UBE3D: variants seen among roughly 807,000 people sequenced by gnomAD.
UBE3D encodes ubiquitin protein ligase E3D.
In UBE3D, 48 loss-of-function variants were observed where a neutral mutation model predicts 49.6. That is an observed-to-expected ratio of 0.97 (90% CI 0.77 to 1.23). The LOEUF is 1.23. Ranked by LOEUF, UBE3D falls within the 50% of genes most tolerant of loss-of-function variation. The probability of loss-of-function intolerance (pLI) is 0.00; values close to 1 mark genes in which losing one functional copy is unlikely to be tolerated. For synonymous variants in UBE3D, 189 were observed against 174.2 expected, an observed-to-expected ratio of 1.08 and a Z score of -0.67; for missense variants, 452 against 468.4, an observed-to-expected ratio of 0.96 and a Z score of 0.32.
At chr6:82,884,483 T>C in the UBE3D span, among the ~76,000 whole-genome samples, 2 of 152,164 alleles carry the variant, frequency 1.3e-5, no homozygotes, top group Non-Finnish European at 2.9e-5. Flanking sequence ...GGACTTTCAA[T>C]AGTAAGTGAG....
chr6:83,006,000 G>A (rs1345935389), intron 8 of UBE3D, among the ~76,000 whole-genome samples: 1 of 152,120 alleles, frequency 6.6e-6, no homozygotes, highest in Non-Finnish European at 1.5e-5. Context: ...TGAGATGGGT[G>A]TATCACTTGA....
chr6:82,987,629 T>C (rs1778612637), intron 8 of UBE3D, among the ~76,000 whole-genome samples: 1 of 152,168 alleles, frequency 6.6e-6, no homozygotes, highest in Admixed American at 6.5e-5. Flanking sequence ...GATGCTAGTG[T>C]GGGTGTAAAT....
intron 8 of UBE3D, among the ~76,000 whole-genome samples, chr6:83,012,230 G>A (rs750217229): frequency 7.2e-5 from 11 of 152,176 alleles, no homozygotes; most frequent in Non-Finnish European, 1.2e-4. Flanking sequence ...TGTAGGATAG[G>A]CAAATCCATA....
intron 9 of UBE3D, among the ~76,000 whole-genome samples, chr6:82,937,414 C>T (rs1774662286): frequency 6.6e-6 from 1 of 152,148 alleles, no homozygotes; most frequent in Non-Finnish European, 1.5e-5. Flanking sequence ...GAAGCAAGCT[C>T]AGTTATTTCA....
chr6:82,944,170 C>T (rs1019048177), intron 9 of UBE3D, among the ~76,000 whole-genome samples: 79 of 152,322 alleles, frequency 5.2e-4, no homozygotes, highest in Middle Eastern at 3.4e-3. Flanking sequence ...CCTCCCCCAA[C>T]TCTAGGCAAC....
intron 8 of UBE3D, among the ~76,000 whole-genome samples, chr6:82,968,162 T>A (rs1347048396): frequency 6.6e-6 from 1 of 152,216 alleles, no homozygotes; most frequent in African/African-American, 2.4e-5. Context: ...GGTCATATGA[T>A]AAGCACATGC....
At chr6:82,905,608 A>C (rs912192505) in intron 9 of UBE3D, among the ~76,000 whole-genome samples, 5 of 152,130 alleles carry the variant, frequency 3.3e-5, no homozygotes, top group Non-Finnish European at 5.9e-5. Flanking sequence ...CACATTTTTC[A>C]CTTAAATCAA....
chr6:83,058,787 T>C (rs1030302884), intron 1 of UBE3D, among the ~76,000 whole-genome samples: 3 of 149,452 alleles, frequency 2.0e-5, no homozygotes, highest in African/African-American at 7.4e-5. Context: ...GAAATCTGCC[T>C]TAGAAAATCT....
Position 83,030,210 on chromosome 6 carries a change from A to T in UBE3D, c.668-6172T>A, listed in dbSNP as rs572565448. Among the ~76,000 whole-genome samples the T allele has an allele frequency of 1.6e-3, 241 of 148,742 alleles. 2 individuals are homozygous for T. Among genetic ancestry groups the T allele is most frequent in the African/African-American group, 5.3e-3 (216 of 40,432 alleles). On this transcript the variant is annotated intron_variant, in intron 5 of 9. Transcript: ENST00000369747. ...TACCTGAGGCTGAGTAATTAAAATTAAAAAAAAAAGACGTTTCTGATATGG... is the reference window on the plus strand; with the variant it reads ...TACCTGAGGCTGAGTAATTAAAATTTAAAAAAAAAGACGTTTCTGATATGG...
intron 9 of UBE3D, among the ~76,000 whole-genome samples, chr6:82,935,476 G>A (rs1774498664): frequency 6.6e-6 from 1 of 152,146 alleles, no homozygotes; most frequent in Non-Finnish European, 1.5e-5. Flanking sequence ...AGGTCGGAAT[G>A]AGGAAATGGG....
At chr6:82,911,567 T>C (rs1193015638) in intron 9 of UBE3D, among the ~76,000 whole-genome samples, 1 of 152,208 alleles carries the variant, frequency 6.6e-6, no homozygotes, top group African/African-American at 2.4e-5. Flanking sequence ...AAGTTTCCCA[T>C]AGCAACCTTT....
rs142132835 is a variant in UBE3D, at chr6:83,037,558, A to G, written c.667+858T>C. ...TTTTCCTTTCTGGCTCACTGTGAAC[A>G]AGTAACTTCTTACAAGATTTTGACG... On this transcript the variant is annotated intron_variant, in intron 5 of 9. Transcript: ENST00000369747. 5.9e-5 allele frequency: 9 copies of G among 152,324 alleles called. No individual in the cohort carries two copies. In the East Asian group the frequency reaches 1.7e-3, roughly 29 times the overall value. 9.4% of individuals were successfully genotyped at this position (152,324 alleles called of 1,614,324 possible). A position where few individuals can be genotyped will look rare whatever the true frequency, so the allele number is the denominator to read the frequency against.
intron 8 of UBE3D, among the ~76,000 whole-genome samples, chr6:82,999,190 T>C (rs1473724400): frequency 6.6e-6 from 1 of 152,142 alleles, no homozygotes; most frequent in African/African-American, 2.4e-5. Flanking sequence ...AAAACCTATA[T>C]GCAAATCTTT....
intron 5 of UBE3D, among the ~76,000 whole-genome samples, chr6:83,033,897 C>T (rs988897626): frequency 6.6e-6 from 1 of 152,174 alleles, no homozygotes; most frequent in African/African-American, 2.4e-5. Context: ...CATGTATAGA[C>T]AGTAAAGCTG....
chr6:82,946,501 A>T (rs1043613245), intron 9 of UBE3D, among the ~76,000 whole-genome samples: 1 of 152,184 alleles, frequency 6.6e-6, no homozygotes, highest in East Asian at 1.9e-4. Context: ...CCTTGAAGAA[A>T]TGCTAAAGAG....
At chr6:82,991,033 G>C (rs2127731868) in intron 8 of UBE3D, among the ~76,000 whole-genome samples, 1 of 152,274 alleles carries the variant, frequency 6.6e-6, no homozygotes, top group Non-Finnish European at 1.5e-5. Context: ...CTTCCAAGAT[G>C]GTACCTTCAC....
intron 8 of UBE3D, among the ~76,000 whole-genome samples, chr6:82,982,127 T>C (rs1778155854): frequency 6.6e-6 from 1 of 152,192 alleles, no homozygotes; most frequent in African/African-American, 2.4e-5. Context: ...ACAACTGTCC[T>C]CATCACCCAG....
chr6:82,916,746 T>C (rs1308340789), intron 9 of UBE3D, among the ~76,000 whole-genome samples: 1 of 152,222 alleles, frequency 6.6e-6, no homozygotes, highest in Non-Finnish European at 1.5e-5. Flanking sequence ...GGGATCTATC[T>C]CTAGTTCTAA....
intron 1 of UBE3D, among the ~76,000 whole-genome samples, chr6:83,060,967 C>T (rs1344074296): frequency 6.6e-6 from 1 of 152,124 alleles, no homozygotes; most frequent in East Asian, 1.9e-4. Flanking sequence ...GAATACCTCT[C>T]CAATTACTGA....
Sources: allele counts gnomAD v4.1 joint callset (sites outside exome capture counted in the v4.1 genomes callset), GRCh38; gene constraint gnomAD v4.1.1; transcripts MANE v1.5; gene names NCBI Gene and HGNC (gene_info 2026-07-23, HGNC 2026-07-21).